Variants in FARSB observed in about 807,000 individuals in gnomAD.
The protein encoded by FARSB is phenylalanyl-tRNA synthetase subunit beta.
A neutral mutation model predicts 69.6 loss-of-function variants in FARSB; 40 were observed. The ratio of observed to expected loss-of-function variants is 0.57; its 90% CI spans 0.45 to 0.75. The LOEUF is 0.75. FARSB is among the 30% of genes least tolerant of loss of function. The probability of loss-of-function intolerance (pLI) is 0.00; values close to 1 mark genes in which losing one functional copy is unlikely to be tolerated. For missense variants in FARSB, 632 were observed against 722.9 expected (o/e 0.87, Z 1.44); for synonymous variants, 235 against 247.2 (o/e 0.95, Z 0.46).
intron 16 of FARSB, among the ~76,000 whole-genome samples, chr2:222,574,150 C>T (rs1011369114): frequency 3.5e-5 from 5 of 144,768 alleles, no homozygotes; most frequent in African/African-American, 5.1e-5. Context: ...AACAACTTTT[C>T]GAATCAGCAC....
At chr2:222,655,062 ATGGCGGACGCCTGTAATCCCAGCTAC>A (rs1284479591) in intron 1 of FARSB, among the ~76,000 whole-genome samples, 1 of 151,976 alleles carries the variant, frequency 6.6e-6, no homozygotes, top group Non-Finnish European at 1.5e-5. Flanking sequence ...CTCGGGCGCG[ATGGCGGACGCCTGTAATCCCAGCTAC>A]TCGGGAGGCT....
At chr2:222,577,863 A>G (rs1689873595) in intron 16 of FARSB, among the ~76,000 whole-genome samples, 1 of 152,220 alleles carries the variant, frequency 6.6e-6, no homozygotes, top group Admixed American at 6.5e-5. Context: ...TTAAATAGAA[A>G]ATGCTCGGGA....
At chr2:222,604,164 A>ACC (rs1690640786) in intron 15 of FARSB, among the ~76,000 whole-genome samples, 1 of 151,662 alleles carries the variant, frequency 6.6e-6, no homozygotes, top group Non-Finnish European at 1.5e-5. Flanking sequence ...TTTGCAGTGA[A>ACC]CCGAGATCAC....
At position 222,601,413 on chromosome 2, in the gene FARSB, CAAT is replaced by C. The variant is rs1020800566; in HGVS notation, c.1463-1333_1463-1331del. On this transcript the variant is annotated intron_variant, in intron 15 of 16. Transcript: ENST00000281828. ...GCAACATAGCAATACCCCATCTCTACAATAATAATAATAATAATAATAAAAAGA... is the reference window on the plus strand; with the variant it reads ...GCAACATAGCAATACCCCATCTCTACAATAATAATAATAATAATAAAAAGA... Among the ~76,000 whole-genome samples, 5 of 150,928 alleles carry C rather than the reference CAAT, an allele frequency of 3.3e-5. No individual in the cohort carries two copies. In the South Asian group the frequency reaches 6.3e-4, roughly 19 times the overall value.
intron 15 of FARSB, among the ~76,000 whole-genome samples, chr2:222,600,348 T>C (rs1025039026): frequency 2.6e-5 from 4 of 152,184 alleles, no homozygotes; most frequent in African/African-American, 9.6e-5. Flanking sequence ...AGGTATAAGT[T>C]GGTAAAATTC....
chr2:222,639,962 C>A (rs910262866), intron 4 of FARSB, among the ~76,000 whole-genome samples: 9 of 152,050 alleles, frequency 5.9e-5, no homozygotes, highest in African/African-American at 2.2e-4. Flanking sequence ...TACCAAACAA[C>A]CCCTCTGAAA....
intron 2 of FARSB, among the ~76,000 whole-genome samples, chr2:222,647,173 T>C (rs73071986): frequency 2.0e-5 from 3 of 152,324 alleles, no homozygotes; most frequent in African/African-American, 7.2e-5. Context: ...CAGGGGAAAC[T>C]ATCATCTAGA....
Position 222,572,012 on chromosome 2 carries a change from G to A in FARSB, c.1629C>T (p.Phe543=), listed in dbSNP as rs758031471. The A allele has an allele frequency of 9.3e-6, 15 of 1,610,598 alleles. No individual in the cohort carries two copies. The highest frequency in any genetic ancestry group is 1.2e-5 in the Non-Finnish European group (14 of 1,179,056). The part of the protein sequence containing the change: ...YVIKASEGPA[F]FPGRCAEIFA... ...AGATCTCTGCACATCGCCCGGGGAA[G>A]AAAGCAGGCCCTGAAAAAGAGAAAG... is the stretch of plus-strand genomic sequence containing the variant. Residue 543 remains phenylalanine, a synonymous_variant, in exon 17 of 17, where the codon TTC becomes TTT. Transcript: ENST00000281828.
intron 16 of FARSB, among the ~76,000 whole-genome samples, chr2:222,586,277 G>A (rs1368075735): frequency 2.0e-5 from 3 of 152,248 alleles, no homozygotes; most frequent in South Asian, 4.1e-4. Flanking sequence ...ATAAGTGAAG[G>A]AGAAATAAAA....
chr2:222,587,804 C>A (rs1690158488), intron 16 of FARSB, among the ~76,000 whole-genome samples: 1 of 152,126 alleles, frequency 6.6e-6, no homozygotes, highest in East Asian at 1.9e-4. Flanking sequence ...CAAGACTAAA[C>A]CAGGAAGAAT....
At chr2:222,643,335 T>C (rs559879455) in intron 2 of FARSB, among the ~76,000 whole-genome samples, 4 of 152,194 alleles carry the variant, frequency 2.6e-5, no homozygotes, top group East Asian at 1.9e-4. Flanking sequence ...TAAAGATTTA[T>C]TGGAACACAG....
chr2:222,589,132 C>A, intron 16 of FARSB, among the ~76,000 whole-genome samples: 1 of 152,142 alleles, frequency 6.6e-6, no homozygotes, highest in East Asian at 1.9e-4. Context: ...GCTACAGTAA[C>A]CAAAACAGCA....
At chr2:222,598,451 T>C (rs935930280) in intron 16 of FARSB, among the ~76,000 whole-genome samples, 2 of 152,244 alleles carry the variant, frequency 1.3e-5, no homozygotes, top group Non-Finnish European at 2.9e-5. Context: ...ATTTACCATT[T>C]CAGCTCTTTG....
At chr2:222,633,670 G>A (rs772017589) in intron 6 of FARSB, among the ~76,000 whole-genome samples, 9 of 100,716 alleles carry the variant, frequency 8.9e-5, no homozygotes, top group East Asian at 6.1e-4. Flanking sequence ...CAACAAGAGC[G>A]AAACTCCGTC....
chr2:222,609,874 G>A (rs1414463063), intron 15 of FARSB, among the ~76,000 whole-genome samples: 1 of 152,136 alleles, frequency 6.6e-6, no homozygotes, highest in Non-Finnish European at 1.5e-5. Context: ...GAGGCATATC[G>A]AAATCCAGTA....
intron 3 of FARSB, 37 bp downstream of exon 3, chr2:222,642,814 C>T: frequency 6.7e-7 from 1 of 1,494,662 alleles, no homozygotes. Flanking sequence ...AAAGAAAACC[C>T]AACTTAGCAA....
chr2:222,571,782 A>AT lies in FARSB; in HGVS notation c.*88dup. 1 of 1,125,938 alleles carries AT rather than the reference A, an allele frequency of 8.9e-7. No homozygotes were observed. Among genetic ancestry groups the AT allele is most frequent in the Admixed American group, 2.6e-5 (1 of 38,702 alleles). The allele number at this position is 1,125,938 out of a possible 1,614,324, so 69.7% of individuals were successfully genotyped here. ...TACTTTATTAAACATCAAAGCCCAA[A>AT]TAGATGTTCCCTGTGGAGGAGGACT... On this transcript the variant is annotated 3_prime_UTR_variant, in exon 17 of 17. Coordinates refer to ENST00000281828, the MANE Select transcript of FARSB (RefSeq NM_005687.5).
chr2:222,646,254 CTT>C (rs1691852794), intron 2 of FARSB, among the ~76,000 whole-genome samples: 1 of 152,202 alleles, frequency 6.6e-6, no homozygotes, highest in Admixed American at 6.5e-5. Flanking sequence ...TCAGGCATGT[CTT>C]TAACTTCTAC....
At chr2:222,614,117 C>A (rs1369647404) in intron 14 of FARSB, among the ~76,000 whole-genome samples, 189 bp from the exon 15 acceptor site, 1 of 152,118 alleles carries the variant, frequency 6.6e-6, no homozygotes, top group African/African-American at 2.4e-5. Flanking sequence ...CTGAAAAGAA[C>A]TGAAAACATT....
Sources: allele counts gnomAD v4.1 joint callset (sites outside exome capture counted in the v4.1 genomes callset), GRCh38; gene constraint gnomAD v4.1.1; transcripts MANE v1.5; gene names NCBI Gene and HGNC (gene_info 2026-07-23, HGNC 2026-07-21).